AGAP1: variants seen among roughly 807,000 people sequenced by gnomAD.
AGAP1 encodes the protein arf-GAP with GTPase, ANK repeat and PH domain-containing protein 1.
AGAP1 carries 29 observed loss-of-function variants against 105.3 expected under a neutral mutation model. The observed-to-expected ratio is 0.28, with a 90% CI of 0.21 to 0.38. AGAP1 has a LOEUF of 0.38. Among genes scored for constraint, AGAP1 ranks in the 10% least tolerant of loss-of-function variants. The pLI is 1.00. For missense variants in AGAP1, 998 were observed against 1,165.1 expected (o/e 0.86, Z 2.09); for synonymous variants, 509 against 485.9 (o/e 1.05, Z -0.63).
chr2:235,811,479 G>A (rs1384821650), intron 9 of AGAP1, among the ~76,000 whole-genome samples: 1 of 152,180 alleles, frequency 6.6e-6, no homozygotes, highest in African/African-American at 2.4e-5. Context: ...AGGTTTCAGA[G>A]AATAAAAAAG....
At chr2:235,999,829 G>A (rs1195191082) in intron 13 of AGAP1, among the ~76,000 whole-genome samples, 1 of 151,704 alleles carries the variant, frequency 6.6e-6, no homozygotes, top group East Asian at 1.9e-4. Flanking sequence ...TTGGGGGTCA[G>A]GTCTGAGATG....
intron 2 of AGAP1, among the ~76,000 whole-genome samples, chr2:235,710,993 G>A (rs1214868925): frequency 6.6e-6 from 1 of 152,198 alleles, no homozygotes; most frequent in Non-Finnish European, 1.5e-5. Flanking sequence ...GGAAACTGAG[G>A]CTCAGAGACA....
At chr2:236,107,184 C>T (rs2059519603) in intron 16 of AGAP1, among the ~76,000 whole-genome samples, 1 of 144,446 alleles carries the variant, frequency 6.9e-6, no homozygotes, top group Non-Finnish European at 1.5e-5. Context: ...AATCATTGAG[C>T]CTCCAGAGGG....
chr2:235,785,380 G>T (rs1575457946), intron 6 of AGAP1, among the ~76,000 whole-genome samples: 1 of 152,176 alleles, frequency 6.6e-6, no homozygotes, highest in Non-Finnish European at 1.5e-5. Context: ...ATCAAACTGT[G>T]TTAATTTTTT....
rs1411917299 is a variant in AGAP1, at chr2:235,964,416, G to C, written c.1484-4046G>C. 6.6e-6 allele frequency among the ~76,000 whole-genome samples: 1 copy of C among 152,100 alleles called. No homozygotes were observed. On this transcript the variant is annotated intron_variant, in intron 12 of 17. Coordinates refer to ENST00000304032, the MANE Select transcript of AGAP1 (RefSeq NM_001037131.3). The surrounding 1 kb of genome is among the most constrained non-coding windows in gnomAD (Gnocchi z 4.6). ...CAGTGACCATTGTTTCCCATGGCCT[G>C]GCACCATACCTGGCAAAGTGGGCTC...
chr2:235,798,672 G>C (rs1334253302), intron 7 of AGAP1, among the ~76,000 whole-genome samples: 1 of 152,042 alleles, frequency 6.6e-6, no homozygotes, highest in Non-Finnish European at 1.5e-5. Flanking sequence ...GAGCTCAGTA[G>C]TTCAAGACCA....
intron 1 of AGAP1, among the ~76,000 whole-genome samples, chr2:235,605,109 C>T (rs1394344739): frequency 6.6e-6 from 1 of 152,186 alleles, no homozygotes; most frequent in Non-Finnish European, 1.5e-5. Flanking sequence ...AACTCCTGAC[C>T]TCAAGCGATC....
chr2:236,118,996 T>C (rs1000398668), intron 16 of AGAP1, among the ~76,000 whole-genome samples: 4 of 151,858 alleles, frequency 2.6e-5, no homozygotes, highest in African/African-American at 7.3e-5. Context: ...TTACTGTTGG[T>C]TTCCTCTTCT....
chr2:235,621,987 G>A lies in AGAP1; in HGVS notation c.164-87192G>A, dbSNP rs913072090. On this transcript the variant is annotated intron_variant, in intron 1 of 17. Transcript: ENST00000304032. The surrounding 1 kb of genome is among the most constrained non-coding windows in gnomAD (Gnocchi z 4.1). ...CTCTGTCCTTTTTGTTGTAGCTGATGGAGCAGAATTTTAAATGCATTCCTC... is the reference window on the plus strand; with the variant it reads ...CTCTGTCCTTTTTGTTGTAGCTGATAGAGCAGAATTTTAAATGCATTCCTC... Among the ~76,000 whole-genome samples the A allele has an allele frequency of 6.6e-6, 1 of 152,078 alleles. No individual in the cohort carries two copies. Among genetic ancestry groups the A allele is most frequent in the Non-Finnish European group, 1.5e-5 (1 of 68,022 alleles).
chr2:236,025,729 A>G (rs2057028452), intron 13 of AGAP1, among the ~76,000 whole-genome samples: 1 of 152,182 alleles, frequency 6.6e-6, no homozygotes, highest in Admixed American at 6.6e-5. Flanking sequence ...TAGTAACACC[A>G]GAAATCCAGT....
rs1953077922 is a variant in AGAP1 at position 235,747,706 on chromosome 2, G to A, written c.539-2648G>A. 6.6e-6 allele frequency among the ~76,000 whole-genome samples: 1 copy of A among 152,240 alleles called. No individual in the cohort carries two copies. Among genetic ancestry groups the A allele is most frequent in the Non-Finnish European group, 1.5e-5 (1 of 68,040 alleles). ...CTGCCGCGACGCTTGCTTCCTGCGT[G>A]CAGACTTGCTCTCCGTGAAGCCCGT... is the stretch of plus-strand genomic sequence containing the variant. On this transcript the variant is annotated intron_variant, in intron 5 of 17. Transcript: ENST00000304032. This position sits in a 1 kb window ranked among gnomAD's most constrained non-coding sequence, Gnocchi z 5.0.
At chr2:235,759,391 G>T (rs79844625) in intron 6 of AGAP1, among the ~76,000 whole-genome samples, 2 of 150,610 alleles carry the variant, frequency 1.3e-5, no homozygotes, top group Non-Finnish European at 3.0e-5. Flanking sequence ...GGATGGTCTT[G>T]ATCTCCTGAC....
chr2:235,785,075 G>T (rs1391265095), intron 6 of AGAP1, among the ~76,000 whole-genome samples: 2 of 152,210 alleles, frequency 1.3e-5, no homozygotes, highest in Non-Finnish European at 2.9e-5. Context: ...ACAGAGCAGG[G>T]AGGAGACGAA....
At chr2:235,717,846 C>T (rs180712150) in intron 3 of AGAP1, among the ~76,000 whole-genome samples, 8 of 152,314 alleles carry the variant, frequency 5.3e-5, no homozygotes, top group Non-Finnish European at 1.0e-4. Context: ...TCTGGAATAG[C>T]GCAGTAGAAC....
rs1449683170 is a variant in AGAP1, at chr2:235,625,129, G to A, written c.164-84050G>A. 1.3e-5 allele frequency among the ~76,000 whole-genome samples: 2 copies of A among 152,194 alleles called. No individual in the cohort carries two copies. The highest frequency in any genetic ancestry group is 4.8e-5 in the African/African-American group (2 of 41,430). On this transcript the variant is annotated intron_variant, in intron 1 of 17. Coordinates refer to ENST00000304032, the MANE Select transcript of AGAP1 (RefSeq NM_001037131.3). The surrounding 1 kb of genome is among the most constrained non-coding windows in gnomAD (Gnocchi z 4.0). ...AACACAGCAGGTGTGATCATTGGAT[G>A]AGGAAGGCTCTCGGAATCATTCCAG...
chr2:235,794,288 T>C (rs1282296159), intron 6 of AGAP1, among the ~76,000 whole-genome samples: 4 of 152,204 alleles, frequency 2.6e-5, no homozygotes, highest in Non-Finnish European at 4.4e-5. Flanking sequence ...ACACTGAGCA[T>C]TACTCTTGGG....
At chr2:235,715,115 G>A (rs1951035644) in intron 2 of AGAP1, among the ~76,000 whole-genome samples, 1 of 152,154 alleles carries the variant, frequency 6.6e-6, no homozygotes, top group African/African-American at 2.4e-5. Context: ...GTTCTTAATA[G>A]CTATTGGCTT....
At chr2:235,565,811 C>T (rs1944329237) in intron 1 of AGAP1, among the ~76,000 whole-genome samples, 1 of 152,132 alleles carries the variant, frequency 6.6e-6, no homozygotes, top group East Asian at 1.9e-4. Context: ...CAGGTGCACG[C>T]CACCACGCCA....
Position 235,596,993 on chromosome 2 carries a change from A to G in AGAP1, c.163+102144A>G, listed in dbSNP as rs1370872013. ...AAATTGACCAGTACCTTGAACTTGG[A>G]CTTCCAGCTGCCAGAACTGTGAGAG... is the stretch of plus-strand genomic sequence containing the variant. On this transcript the variant is annotated intron_variant, in intron 1 of 17. Transcript: ENST00000304032. The surrounding 1 kb of genome is among the most constrained non-coding windows in gnomAD (Gnocchi z 5.9). Among the ~76,000 whole-genome samples the G allele has an allele frequency of 2.0e-5, 3 of 152,168 alleles. No individual in the cohort carries two copies. The highest frequency in any genetic ancestry group is 7.2e-5 in the African/African-American group (3 of 41,434).
Sources: gnomAD v4.1 joint callset for allele counts (sites outside exome capture counted in the v4.1 genomes callset) on GRCh38, gnomAD v4.1.1 for gene constraint, Gnocchi (gnomAD v3.1) non-coding constraint, MANE v1.5 for transcripts, NCBI Gene and HGNC (gene_info 2026-07-23, HGNC 2026-07-21) for gene names.